The following TUSC7 variants were observed in gnomAD, a reference collection of about 807,000 sequenced individuals.
The protein encoded by TUSC7 is LSAMP antisense RNA 3.
intron 1 of TUSC7, chr3:116,710,523 C>G (rs2051454488): frequency 6.6e-6 from 1 of 152,124 alleles, no homozygotes; most frequent in African/African-American, 2.4e-5. Context: ...ATAGAAGAGT[C>G]TCAGCTGGGA....
intron 1 of TUSC7, among the ~76,000 whole-genome samples, chr3:116,710,931 G>A (rs1044563273): frequency 3.0e-4 from 46 of 151,884 alleles, no homozygotes; most frequent in African/African-American, 1.1e-3. Context: ...TTAACAAACT[G>A]CATTAACAAA....
At chr3:116,709,973 C>G (rs2051449869) in intron 1 of TUSC7, 1 of 152,070 alleles carries the variant, frequency 6.6e-6, no homozygotes, top group East Asian at 1.9e-4. Flanking sequence ...CAAAAAGGGC[C>G]TCTGCTAATG....
intron 1 of TUSC7, among the ~76,000 whole-genome samples, chr3:116,713,443 C>T (rs1235530952): frequency 1.3e-5 from 2 of 152,164 alleles, no homozygotes; most frequent in African/African-American, 4.8e-5. Flanking sequence ...GAATCAAAGT[C>T]TTAAGATATG....
chr3:116,715,347 C>T (rs2051496493), intron 1 of TUSC7, among the ~76,000 whole-genome samples: 1 of 152,120 alleles, frequency 6.6e-6, no homozygotes. Context: ...TAGCAAGGAG[C>T]ATAATTGATG....
At chr3:116,715,352 T>C (rs967363872) in intron 1 of TUSC7, among the ~76,000 whole-genome samples, 3 of 152,178 alleles carry the variant, frequency 2.0e-5, no homozygotes, top group African/African-American at 4.8e-5. Flanking sequence ...AGGAGCATAA[T>C]TGATGGATAG....
At chr3:116,713,300 G>A (rs986908188) in intron 1 of TUSC7, among the ~76,000 whole-genome samples, 1 of 152,066 alleles carries the variant, frequency 6.6e-6, no homozygotes, top group Non-Finnish European at 1.5e-5. Flanking sequence ...ACTTTTTCTT[G>A]GGTGCTGTAT....
At chr3:116,712,926 T>C (rs1391299473) in intron 1 of TUSC7, 1 of 152,186 alleles carries the variant, frequency 6.6e-6, no homozygotes, top group African/African-American at 2.4e-5. Context: ...TTTTTCAGCT[T>C]ACCAAGTGCT....
At position 116,714,729 on chromosome 3, in the gene TUSC7, C is replaced by T. The variant is rs183555870; in HGVS notation, n.99-3032C>T. On this transcript the variant is annotated intron_variant and non_coding_transcript_variant, in intron 1 of 2. Transcript: ENST00000477805. ...CAGCAAAATTAAGAGGAAGATACACCGATTTCTCATATAGCCCCTCCCTCC... is the reference window on the plus strand; with the variant it reads ...CAGCAAAATTAAGAGGAAGATACACTGATTTCTCATATAGCCCCTCCCTCC... 1.1e-4 allele frequency among the ~76,000 whole-genome samples: 16 copies of T among 152,122 alleles called. No homozygotes were observed. In the East Asian group the frequency reaches 2.5e-3, roughly 24 times the overall value.
intron 1 of TUSC7, among the ~76,000 whole-genome samples, chr3:116,710,948 T>C (rs1404771081): frequency 6.6e-6 from 1 of 152,160 alleles, no homozygotes. Context: ...CAAAGAGTGC[T>C]TCCCAAGGTC....
intron 1 of TUSC7, chr3:116,712,224 C>T (rs893881941): frequency 6.6e-6 from 1 of 152,112 alleles, no homozygotes; most frequent in African/African-American, 2.4e-5. Flanking sequence ...CCTTTGTCAC[C>T]AAAACAGCAT....
At chr3:116,716,529 G>A (rs1378159228) in intron 1 of TUSC7, 2 of 152,130 alleles carry the variant, frequency 1.3e-5, no homozygotes, top group East Asian at 3.9e-4. Flanking sequence ...ATCTCCAGAG[G>A]GGATTAATCC....
At chr3:116,713,302 G>T (rs1302419828) in intron 1 of TUSC7, among the ~76,000 whole-genome samples, 2 of 152,034 alleles carry the variant, frequency 1.3e-5, no homozygotes, top group African/African-American at 4.8e-5. Flanking sequence ...TTTTTCTTGG[G>T]TGCTGTATTA....
At chr3:116,711,680 C>G (rs1484137911) in intron 1 of TUSC7, among the ~76,000 whole-genome samples, 1 of 152,130 alleles carries the variant, frequency 6.6e-6, no homozygotes, top group Non-Finnish European at 1.5e-5. Context: ...TCAATGAGTA[C>G]AGTCAAACTT....
At chr3:116,714,304 C>T (rs1213586271) in intron 1 of TUSC7, among the ~76,000 whole-genome samples, 1 of 152,172 alleles carries the variant, frequency 6.6e-6, no homozygotes, top group Non-Finnish European at 1.5e-5. Context: ...TATTCTTAAT[C>T]TAGAAAACAC....
intron 1 of TUSC7, chr3:116,710,074 T>A (rs1351060318): frequency 6.6e-6 from 1 of 152,150 alleles, no homozygotes; most frequent in Non-Finnish European, 1.5e-5. Context: ...AGCGCATTTC[T>A]CTTAAACAAT....
intron 1 of TUSC7, among the ~76,000 whole-genome samples, chr3:116,715,916 A>G (rs1404754338): frequency 1.3e-5 from 2 of 152,194 alleles, no homozygotes; most frequent in South Asian, 2.1e-4. Flanking sequence ...GAGATTTTAT[A>G]ATATTTTACT....
intron 1 of TUSC7, among the ~76,000 whole-genome samples, chr3:116,711,206 T>G (rs2051460827): frequency 6.6e-6 from 1 of 152,184 alleles, no homozygotes; most frequent in Non-Finnish European, 1.5e-5. Context: ...GTAATGTTCT[T>G]GGAGTTCTAA....
At chr3:116,716,230 G>A (rs1038698050) in intron 1 of TUSC7, 2 of 152,186 alleles carry the variant, frequency 1.3e-5, no homozygotes, top group Non-Finnish European at 2.9e-5. Context: ...GAAAGAAATG[G>A]CTTTGGCCTG....
At chr3:116,711,557 T>C (rs1047913798) in intron 1 of TUSC7, among the ~76,000 whole-genome samples, 3 of 152,170 alleles carry the variant, frequency 2.0e-5, no homozygotes, top group African/African-American at 4.8e-5. Context: ...ATATAAGAAA[T>C]ATTTCCTTTC....
Sources: allele counts gnomAD v4.1 joint callset (sites outside exome capture counted in the v4.1 genomes callset), GRCh38; gene constraint gnomAD v4.1.1; transcripts MANE v1.5; gene names NCBI Gene and HGNC (gene_info 2026-07-23, HGNC 2026-07-21).